SPIDR: variants seen among roughly 807,000 people sequenced by gnomAD.
SPIDR encodes DNA repair-scaffolding protein.
A neutral mutation model predicts 104.6 loss-of-function variants in SPIDR; 93 were observed. The ratio of observed to expected loss-of-function variants is 0.89; its 90% confidence interval spans 0.75 to 1.06. The LOEUF (loss-of-function observed/expected upper bound fraction) is 1.06, where lower values mean the gene tolerates loss of function less well. SPIDR is among the 50% of genes least tolerant of loss of function. The pLI is 0.00. For missense variants in SPIDR, 1,154 were observed against 1,111.2 expected (o/e 1.04, Z -0.55); for synonymous variants, 431 against 416.9 (o/e 1.03, Z -0.41).
Position 47,701,863 on chromosome 8 carries a change from A to G in SPIDR, c.1916A>G (p.Gln639Arg), listed in dbSNP as rs2080233729. The G allele has an allele frequency of 6.2e-7, 1 of 1,614,132 alleles. No homozygotes were observed. Among genetic ancestry groups the G allele is most frequent in the Middle Eastern group, 1.6e-4 (1 of 6,062 alleles). The change falls in exon 13 of 20, where the codon CAG becomes CGG. Residue 639 changes from glutamine to arginine, a missense_variant and splice_region_variant. Physicochemically the swap from Gln to Arg is conservative, Grantham distance 43. Transcript: ENST00000297423. ...PVTRCLRDIL[Q>R]MNDLGTRCSF... ...ACCCGCTGCTTAAGAGACATTCTCCAGGTAATGTCTTTGTTTCTAACAGGT... is the reference window on the plus strand; with the variant it reads ...ACCCGCTGCTTAAGAGACATTCTCCGGGTAATGTCTTTGTTTCTAACAGGT...
intron 10 of SPIDR, among the ~76,000 whole-genome samples, chr8:47,618,125 T>G (rs541109758): frequency 6.6e-6 from 1 of 152,366 alleles, no homozygotes; most frequent in South Asian, 2.1e-4. Flanking sequence ...AACACGCTTT[T>G]GTGTACGTGG....
At chr8:47,725,708 A>C (rs1471990846) in intron 16 of SPIDR, among the ~76,000 whole-genome samples, 1 of 152,192 alleles carries the variant, frequency 6.6e-6, no homozygotes, top group Non-Finnish European at 1.5e-5. Context: ...ATGTTTAATC[A>C]TACACTTCCC....
At chr8:47,710,435 C>G (rs1166154863) in intron 14 of SPIDR, among the ~76,000 whole-genome samples, 1 of 151,666 alleles carries the variant, frequency 6.6e-6, no homozygotes, top group Non-Finnish European at 1.5e-5. Context: ...CACAGATAAC[C>G]TTATAGAAAG....
At chr8:47,733,925 CTT>C (rs2085710477) in intron 19 of SPIDR, among the ~76,000 whole-genome samples, 4 of 152,130 alleles carry the variant, frequency 2.6e-5, no homozygotes, top group Admixed American at 2.6e-4. Context: ...AGCCAAAACT[CTT>C]GACAGAGCAC....
chr8:47,718,619 T>C (rs1203194939), intron 16 of SPIDR, among the ~76,000 whole-genome samples: 4 of 152,192 alleles, frequency 2.6e-5, no homozygotes, highest in African/African-American at 7.2e-5. Flanking sequence ...AAGTCACCTT[T>C]CATTTTTTCA....
At chr8:47,440,802 G>A (rs1299940409) in intron 8 of SPIDR, among the ~76,000 whole-genome samples, 1 of 152,278 alleles carries the variant, frequency 6.6e-6, no homozygotes, top group Middle Eastern at 3.4e-3. Context: ...CCCAAGTGAT[G>A]TGTTATAAGA....
intron 6 of SPIDR, among the ~76,000 whole-genome samples, chr8:47,402,683 A>G (rs1268962806): frequency 6.6e-6 from 1 of 151,210 alleles, no homozygotes; most frequent in Admixed American, 6.6e-5. Flanking sequence ...TAGACCAATA[A>G]CAGGTTCTGA....
At chr8:47,314,766 A>G (rs1163520197) in intron 5 of SPIDR, among the ~76,000 whole-genome samples, 2 of 152,250 alleles carry the variant, frequency 1.3e-5, no homozygotes, top group Non-Finnish European at 2.9e-5. Flanking sequence ...GAAAACAAAT[A>G]GCAAACTTAC....
intron 8 of SPIDR, among the ~76,000 whole-genome samples, chr8:47,534,880 A>G (rs1305324284): frequency 2.6e-5 from 4 of 152,202 alleles, no homozygotes; most frequent in Non-Finnish European, 5.9e-5. Flanking sequence ...TGAACGATTA[A>G]TAAAATTGAT....
In SPIDR at chr8:47,294,043, T is replaced by C; in HGVS notation, c.525+13T>C. 6.2e-7 allele frequency: 1 copy of C among 1,604,818 alleles called. No homozygotes were observed. The highest frequency in any genetic ancestry group is 1.1e-5 in the South Asian group (1 of 89,032). ...GGAGCTTCCCAAGGTAAGAATGAAG[T>C]ATTTCAAAACTTTTATTCACTTTAT... On this transcript the variant is annotated intron_variant, in intron 5 of 19. Transcript: ENST00000297423.
chr8:47,367,222 C>T (rs1004203069), intron 5 of SPIDR, among the ~76,000 whole-genome samples: 1 of 152,138 alleles, frequency 6.6e-6, no homozygotes, highest in African/African-American at 2.4e-5. Context: ...GCAAGGAATG[C>T]AGCAGTATCC....
chr8:47,476,193 G>A (rs973566683), intron 8 of SPIDR, among the ~76,000 whole-genome samples: 2 of 152,232 alleles, frequency 1.3e-5, no homozygotes, highest in Non-Finnish European at 2.9e-5. Flanking sequence ...ATTGCTTGAC[G>A]GATGGTCTGT....
At chr8:47,599,271 T>G (rs2061981359) in intron 10 of SPIDR, 75 bp downstream of exon 10, 2 of 1,560,788 alleles carry the variant, frequency 1.3e-6, no homozygotes, top group Non-Finnish European at 1.7e-6. Flanking sequence ...GTGGAGCCTC[T>G]TCTCAGAGCA....
At chr8:47,424,520 G>C (rs2066103233) in intron 7 of SPIDR, among the ~76,000 whole-genome samples, 1 of 152,004 alleles carries the variant, frequency 6.6e-6, no homozygotes, top group Non-Finnish European at 1.5e-5. Context: ...GTCTTCCTAT[G>C]TTTTCCAGGC....
intron 10 of SPIDR, among the ~76,000 whole-genome samples, chr8:47,613,353 A>G (rs1396495602): frequency 2.0e-5 from 3 of 152,206 alleles, no homozygotes; most frequent in African/African-American, 7.2e-5. Context: ...TGGCTGAATA[A>G]TATTCTGTTG....
intron 8 of SPIDR, among the ~76,000 whole-genome samples, chr8:47,537,918 T>G (rs555162642): frequency 6.6e-6 from 1 of 152,338 alleles, no homozygotes; most frequent in South Asian, 2.1e-4. Context: ...GGCTCACACC[T>G]GTAATCCCAA....
rs565723851 is a variant in SPIDR at position 47,708,137 on chromosome 8, A to G, written c.1978-4525A>G. Reference sequence around the variant, plus strand: ...CAATGTGGTGAAGCCCTGTCTCTACAAAAATACAAAAATTAGCCGGGCATG... The same window carrying G: ...CAATGTGGTGAAGCCCTGTCTCTACGAAAATACAAAAATTAGCCGGGCATG... On this transcript the variant is annotated intron_variant, in intron 14 of 19. Transcript: ENST00000297423. Among the ~76,000 whole-genome samples the G allele has an allele frequency of 1.3e-4, 20 of 152,280 alleles. No homozygotes were observed. In the South Asian group the frequency reaches 1.7e-3, roughly 13 times the overall value.
rs562524083 is a variant in SPIDR, at chr8:47,394,558, C to T, written c.526-1818C>T. 4.0e-4 allele frequency among the ~76,000 whole-genome samples: 61 copies of T among 152,308 alleles called. No homozygotes were observed. The South Asian group carries it at 7.9e-3, about 20-fold the overall frequency. On this transcript the variant is annotated intron_variant, in intron 5 of 19. Transcript: ENST00000297423. ...GCTCCTGTCATCTAGCGGGGAGAGG[C>T]GAGGGTGCTGCCAAGCACCCCATTG...
chr8:47,690,080 A>G (rs1451916177), intron 11 of SPIDR, among the ~76,000 whole-genome samples: 3 of 152,136 alleles, frequency 2.0e-5, no homozygotes, highest in Admixed American at 6.5e-5. Flanking sequence ...ACACGTGTCT[A>G]TAAGAGATAT....
Sources: gnomAD v4.1 joint callset for allele counts (sites outside exome capture counted in the v4.1 genomes callset) on GRCh38, gnomAD v4.1.1 for gene constraint, MANE v1.5 for transcripts, NCBI Gene and HGNC (gene_info 2026-07-23, HGNC 2026-07-21) for gene names.